RAB20: variants seen among roughly 807,000 people sequenced by gnomAD.
RAB20 encodes the protein ras-related protein Rab-20.
Under a neutral mutation model 3.7 loss-of-function variants are expected in RAB20, and 2 were observed. That is an observed-to-expected ratio of 0.54 (90% CI 0.22 to 1.69). The LOEUF (loss-of-function observed/expected upper bound fraction) is 1.69. Ranked by LOEUF, RAB20 falls within the 40% of genes most tolerant of loss-of-function variation. The pLI is 0.19. For synonymous variants in RAB20, 126 were observed against 130.8 expected (o/e 0.96, Z 0.25); for missense variants, 276 against 311.9 (o/e 0.88, Z 0.87).
intron 1 of RAB20, among the ~76,000 whole-genome samples, chr13:110,540,376 T>C (rs1053690371): frequency 2.6e-5 from 4 of 152,262 alleles, no homozygotes; most frequent in African/African-American, 9.6e-5. Context: ...TTTCAGCTCT[T>C]TTCAAAGCAC....
rs1885018845 is a variant in RAB20 at position 110,555,157 on chromosome 13, TAC to T, written c.172+6189_172+6190del. On this transcript the variant is annotated intron_variant, in intron 1 of 1. Transcript: ENST00000267328. The surrounding 1 kb of genome is among the most constrained non-coding windows in gnomAD (Gnocchi z 4.0). ...GCCTGGCACGTGGCAGGGACCCACA[TAC>T]AGTGGCAATTACTGTAAGTGTTGGA... Among the ~76,000 whole-genome samples, 1 of 152,130 alleles carries T rather than the reference TAC, an allele frequency of 6.6e-6. No homozygotes were observed. The highest frequency in any genetic ancestry group is 1.9e-4 in the East Asian group (1 of 5,182).
intron 1 of RAB20, among the ~76,000 whole-genome samples, chr13:110,529,049 C>T (rs959114553): frequency 6.6e-6 from 1 of 152,210 alleles, no homozygotes; most frequent in African/African-American, 2.4e-5. Flanking sequence ...TTGTCCACAC[C>T]AAGAAGGGCC....
At chr13:110,534,599 CTTCA>C (rs749450618) in intron 1 of RAB20, among the ~76,000 whole-genome samples, 17 of 152,286 alleles carry the variant, frequency 1.1e-4, no homozygotes, top group Non-Finnish European at 1.8e-4. Context: ...CTGGTCACTT[CTTCA>C]TTGAGGGTTC....
chr13:110,542,269 C>T (rs996367420), intron 1 of RAB20, among the ~76,000 whole-genome samples: 4 of 152,110 alleles, frequency 2.6e-5, no homozygotes, highest in Non-Finnish European at 5.9e-5. Flanking sequence ...AATGATTACC[C>T]TATTAAGCTA....
chr13:110,551,466 G>A (rs897312200), intron 1 of RAB20, among the ~76,000 whole-genome samples: 2 of 152,180 alleles, frequency 1.3e-5, no homozygotes, highest in Non-Finnish European at 2.9e-5. Flanking sequence ...TGATAAGCTG[G>A]GGAGTGCTGG....
intron 1 of RAB20, among the ~76,000 whole-genome samples, chr13:110,546,558 T>G (rs1884851953): frequency 6.6e-6 from 1 of 152,164 alleles, no homozygotes; most frequent in Admixed American, 6.5e-5. Context: ...TTTTTATTGA[T>G]GCACTCAGCG....
At chr13:110,554,227 C>T (rs1030624225) in intron 1 of RAB20, among the ~76,000 whole-genome samples, 2 of 152,240 alleles carry the variant, frequency 1.3e-5, no homozygotes, top group Non-Finnish European at 2.9e-5. Context: ...AATGTGCAGT[C>T]CTCACACAAG....
In RAB20 at chr13:110,555,046, C is replaced by T. The variant is rs571915553; in HGVS notation, c.172+6302G>A. 6.6e-6 allele frequency among the ~76,000 whole-genome samples: 1 copy of T among 152,258 alleles called. No individual in the cohort carries two copies. The highest frequency in any genetic ancestry group is 2.4e-5 in the African/African-American group (1 of 41,556). ...GCCTCCCCTCTGTAAGATGCTGCTT[C>T]CCAGTCTGTAGGACGGCAACGTTGA... On this transcript the variant is annotated intron_variant, in intron 1 of 1. Transcript: ENST00000267328. The surrounding 1 kb of genome is among the most constrained non-coding windows in gnomAD (Gnocchi z 4.0).
At chr13:110,545,384 C>G (rs942907846) in intron 1 of RAB20, among the ~76,000 whole-genome samples, 1 of 152,124 alleles carries the variant, frequency 6.6e-6, no homozygotes, top group Admixed American at 6.5e-5. Context: ...CAAAATAGTG[C>G]CCATCCTAGC....
intron 1 of RAB20, among the ~76,000 whole-genome samples, chr13:110,539,385 T>C (rs1884712708): frequency 6.6e-6 from 1 of 152,120 alleles, no homozygotes; most frequent in South Asian, 2.1e-4. Flanking sequence ...TCCAAACCCC[T>C]GCCCGCGAAA....
rs546956048 is a variant in RAB20 at position 110,526,351 on chromosome 13, G to A, written c.173-2154C>T. 4.6e-5 allele frequency among the ~76,000 whole-genome samples: 7 copies of A among 152,346 alleles called. No homozygotes were observed. In the East Asian group the frequency reaches 1.3e-3, roughly 29 times the overall value. ...GCCTGGGAGAAGTAAGCCTGGTTCT[G>A]ATTTTTTAAAAAGAAGCTAACAATG... On this transcript the variant is annotated intron_variant, in intron 1 of 1. Coordinates refer to ENST00000267328, the MANE Select transcript of RAB20 (RefSeq NM_017817.3).
Position 110,523,466 on chromosome 13 carries a change from A to C in RAB20, c.*199T>G. Reference sequence around the variant, plus strand: ...GAGGATTCCTGTTTCCCACCTCCCCACCCCTCTGACAGAGACTGAGGAGAC... The same window carrying C: ...GAGGATTCCTGTTTCCCACCTCCCCCCCCCTCTGACAGAGACTGAGGAGAC... On this transcript the variant is annotated 3_prime_UTR_variant, in exon 2 of 2. Coordinates refer to ENST00000267328, the MANE Select transcript of RAB20 (RefSeq NM_017817.3). The C allele has an allele frequency of 3.9e-6, 4 of 1,022,930 alleles. No individual in the cohort carries two copies. The highest frequency in any genetic ancestry group is 3.6e-5 in the South Asian group (2 of 55,978). 63.4% of individuals were successfully genotyped at this position (1,022,930 alleles called of 1,614,324 possible).
In RAB20 at chr13:110,524,152, GC is replaced by G; in HGVS notation, c.217del (p.Ala73ArgfsTer10). 4 of 1,605,928 alleles carry G rather than the reference GC, an allele frequency of 2.5e-6. No homozygotes were observed. On this transcript the variant is annotated frameshift_variant, in exon 2 of 2. Coordinates refer to ENST00000267328, the MANE Select transcript of RAB20 (RefSeq NM_017817.3). LOFTEE classifies it low-confidence loss of function (END_TRUNC). Reference sequence around the variant, plus strand: ...ATCATAGGTGAGGATGATGGCGGCCGCCCCCCGGCAGTACATGGAGCCCAGG... The same window carrying G: ...ATCATAGGTGAGGATGATGGCGGCCGCCCCCGGCAGTACATGGAGCCCAGG... The part of the protein sequence containing the change: ...HGLGSMYCRG[A>X]AAIILTYDVN...
At chr13:110,528,081 C>T (rs925007580) in intron 1 of RAB20, among the ~76,000 whole-genome samples, 2 of 151,830 alleles carry the variant, frequency 1.3e-5, no homozygotes, top group African/African-American at 4.8e-5. Context: ...CCAGCCTGAG[C>T]AACAGTGAGA....
chr13:110,544,076 T>C (rs993133830), intron 1 of RAB20, among the ~76,000 whole-genome samples: 6 of 152,134 alleles, frequency 3.9e-5, no homozygotes, highest in Non-Finnish European at 7.4e-5. Context: ...GATTTTTGTA[T>C]ATGGTGTGAG....
chr13:110,536,452 G>A (rs1366449608), intron 1 of RAB20, among the ~76,000 whole-genome samples: 1 of 152,206 alleles, frequency 6.6e-6, no homozygotes, highest in Non-Finnish European at 1.5e-5. Flanking sequence ...CAGTCAGGCA[G>A]CCAAGAGAAG....
At chr13:110,532,823 T>G (rs1884566833) in intron 1 of RAB20, among the ~76,000 whole-genome samples, 1 of 152,036 alleles carries the variant, frequency 6.6e-6, no homozygotes, top group Non-Finnish European at 1.5e-5. Flanking sequence ...GGACCACAGG[T>G]GCATACCACT....
intron 1 of RAB20, among the ~76,000 whole-genome samples, chr13:110,529,859 A>G (rs1429540292): frequency 6.6e-6 from 1 of 152,152 alleles, no homozygotes; most frequent in Non-Finnish European, 1.5e-5. Context: ...TTGTCCAGGA[A>G]TTATTACTCG....
Position 110,561,638 on chromosome 13 carries a change from C to G in RAB20, c.-119G>C, listed in dbSNP as rs1230859049. 5 of 1,429,484 alleles carry G rather than the reference C, an allele frequency of 3.5e-6. No homozygotes were observed. The highest frequency in any genetic ancestry group is 4.6e-6 in the Non-Finnish European group (5 of 1,089,960). 88.6% of individuals were successfully genotyped at this position (1,429,484 alleles called of 1,614,324 possible). On this transcript the variant is annotated 5_prime_UTR_variant, in exon 1 of 2. Coordinates refer to ENST00000267328, the MANE Select transcript of RAB20 (RefSeq NM_017817.3). ...TCGCCGGGACCCGGATTCTCGTGAA[C>G]GCTCCGGGACCTTCGCCTCCGGACG...
Sources: allele counts gnomAD v4.1 joint callset (sites outside exome capture counted in the v4.1 genomes callset), GRCh38; gene constraint gnomAD v4.1.1; non-coding constraint Gnocchi (gnomAD v3.1); transcripts MANE v1.5; gene names NCBI Gene and HGNC (gene_info 2026-07-23, HGNC 2026-07-21).